The following GNG2 variants were observed in gnomAD, a reference collection of about 807,000 sequenced individuals.
The protein encoded by GNG2 is G protein subunit gamma 2.
GNG2 carries 5 observed loss-of-function variants against 5.5 expected under a neutral mutation model. That is an observed-to-expected ratio of 0.91 (90% CI 0.48 to 1.92). The LOEUF (loss-of-function observed/expected upper bound fraction) is 1.92, where lower values mean the gene tolerates loss of function less well. Among genes scored for constraint, GNG2 ranks in the 30% most tolerant of loss-of-function variants. The probability of loss-of-function intolerance (pLI) is 0.01; values close to 1 mark genes in which losing one functional copy is unlikely to be tolerated. For synonymous variants in GNG2, 28 were observed against 32.0 expected, an observed-to-expected ratio of 0.88 and a Z score of 0.42; for missense variants, 55 against 88.4, an observed-to-expected ratio of 0.62 and a Z score of 1.52.
intron 2 of GNG2, among the ~76,000 whole-genome samples, chr14:51,829,701 T>TCAC (rs1389350876): frequency 6.6e-6 from 1 of 152,156 alleles, no homozygotes; most frequent in East Asian, 1.9e-4. Context: ...TCCATTAAAC[T>TCAC]CACTCCTGTC....
intron 2 of GNG2, among the ~76,000 whole-genome samples, chr14:51,888,746 T>C (rs1361150657): frequency 6.6e-6 from 1 of 152,234 alleles, no homozygotes; most frequent in African/African-American, 2.4e-5. Context: ...TGTTTGTTAA[T>C]CCCTGGTTTA....
upstream of GNG2, among the ~76,000 whole-genome samples, chr14:51,859,597 A>G (rs73291070): frequency 0.016 from 2,423 of 152,318 alleles, 55 homozygotes; most frequent in African/African-American, 0.055. Flanking sequence ...GTAGAGCATG[A>G]CTATCATCAA....
chr14:51,863,832 C>T (rs962079312), intron 1 of GNG2, among the ~76,000 whole-genome samples: 6 of 152,170 alleles, frequency 3.9e-5, no homozygotes, highest in Admixed American at 3.3e-4. Context: ...TAAGATTCAT[C>T]AATGTTGTAG....
intron 3 of GNG2, among the ~76,000 whole-genome samples, chr14:51,956,313 G>T (rs1889269711): frequency 6.6e-6 from 1 of 152,184 alleles, no homozygotes; most frequent in Admixed American, 6.5e-5. Flanking sequence ...GACAGAACTT[G>T]TGAGTAACCT....
At chr14:51,942,585 C>CTTTCTTTCTTTCTTTCTTTCTTTCTT (rs1555356832) in intron 2 of GNG2, among the ~76,000 whole-genome samples, 1 of 61,608 alleles carries the variant, frequency 1.6e-5, no homozygotes, top group Non-Finnish European at 3.0e-5. Context: ...TTCTTTCTTT[C>CTTTCTTTCTTTCTTTCTTTCTTTCTT]TTTCTTTTTT....
chr14:51,955,568 A>T (rs1379815835), intron 3 of GNG2, among the ~76,000 whole-genome samples: 1 of 152,204 alleles, frequency 6.6e-6, no homozygotes, highest in Non-Finnish European at 1.5e-5. Context: ...TTTGTGTATT[A>T]AGAGTGTCAT....
At chr14:51,961,926 AG>A (rs1889638087) in intron 3 of GNG2, among the ~76,000 whole-genome samples, 1 of 152,220 alleles carries the variant, frequency 6.6e-6, no homozygotes. Flanking sequence ...AATTACAATG[AG>A]AAGTTATTGA....
intron 2 of GNG2, among the ~76,000 whole-genome samples, chr14:51,847,875 CTTTTTCTTTTT>C (rs1881699819): frequency 1.5e-5 from 1 of 66,148 alleles, no homozygotes; most frequent in Non-Finnish European, 3.2e-5. Flanking sequence ...AATACAGGTC[CTTTTTCTTTTT>C]TTTTTTTTTT....
chr14:51,915,876 T>A lies in GNG2; in HGVS notation c.-29-34774T>A, dbSNP rs548679016. On this transcript the variant is annotated intron_variant, in intron 2 of 3. Coordinates refer to ENST00000556766, the MANE Select transcript of GNG2 (RefSeq NM_053064.5). ...CAAAGACACACTGCAGAATGCTACATCCAGGTTTGTGGGTTCTCCTGAGAC... is the reference window on the plus strand; with the variant it reads ...CAAAGACACACTGCAGAATGCTACAACCAGGTTTGTGGGTTCTCCTGAGAC... Among the ~76,000 whole-genome samples the A allele has an allele frequency of 2.3e-3, 358 of 152,346 alleles. 2 individuals are homozygous for A. The highest frequency in any genetic ancestry group is 3.4e-3 in the Middle Eastern group (1 of 294).
At chr14:51,899,919 C>T (rs1885443197) in intron 2 of GNG2, among the ~76,000 whole-genome samples, 1 of 152,220 alleles carries the variant, frequency 6.6e-6, no homozygotes, top group Non-Finnish European at 1.5e-5. Context: ...CATCAATGGA[C>T]ACTTGGGTTG....
intron 3 of GNG2, among the ~76,000 whole-genome samples, chr14:51,965,562 G>T (rs1411625774): frequency 4.6e-5 from 7 of 152,148 alleles, no homozygotes; most frequent in African/African-American, 1.7e-4. Flanking sequence ...TGACAGCATC[G>T]CCAGAATCAG....
At chr14:51,851,060 A>G (rs1279548675) in intron 2 of GNG2, among the ~76,000 whole-genome samples, 1 of 152,240 alleles carries the variant, frequency 6.6e-6, no homozygotes, top group Non-Finnish European at 1.5e-5. Context: ...ATGTTATCCC[A>G]GTTAATTGAT....
chr14:51,885,845 A>T (rs1459570286), intron 2 of GNG2, among the ~76,000 whole-genome samples: 3 of 152,194 alleles, frequency 2.0e-5, no homozygotes, highest in East Asian at 1.9e-4. Context: ...CTCAGATAGG[A>T]TCAAGATCCA....
At chr14:51,935,089 A>G (rs1403783536) in intron 2 of GNG2, among the ~76,000 whole-genome samples, 2 of 146,772 alleles carry the variant, frequency 1.4e-5, no homozygotes, top group African/African-American at 5.1e-5. Context: ...CAGTGGCGCA[A>G]TCTCGGCTCA....
intron 2 of GNG2, among the ~76,000 whole-genome samples, chr14:51,840,573 A>T (rs1178914156): frequency 6.6e-6 from 1 of 152,148 alleles, no homozygotes; most frequent in African/African-American, 2.4e-5. Flanking sequence ...CTGCATCTTA[A>T]ATTTTGCTTC....
intron 1 of GNG2, among the ~76,000 whole-genome samples, chr14:51,865,817 T>C (rs1882838644): frequency 6.6e-6 from 1 of 152,206 alleles, no homozygotes; most frequent in Non-Finnish European, 1.5e-5. Flanking sequence ...AATAGAGATT[T>C]AAATTTTCAG....
At chr14:51,963,592 A>G (rs1360327051) in intron 3 of GNG2, among the ~76,000 whole-genome samples, 3 of 152,228 alleles carry the variant, frequency 2.0e-5, no homozygotes, top group Non-Finnish European at 2.9e-5. Flanking sequence ...TCATTTTGTC[A>G]TAGAAGCATT....
At chr14:51,934,133 A>G (rs1425768385) in intron 2 of GNG2, among the ~76,000 whole-genome samples, 3 of 152,172 alleles carry the variant, frequency 2.0e-5, no homozygotes, top group East Asian at 3.9e-4. Flanking sequence ...GAGTGGTTCC[A>G]TGATAGGCCA....
chr14:51,878,946 G>A lies in GNG2; in HGVS notation c.-30+1289G>A, dbSNP rs144549716. Among the ~76,000 whole-genome samples, 187 of 152,306 alleles carry A rather than the reference G, an allele frequency of 1.2e-3. 1 individual carries two copies. In the Middle Eastern group the frequency reaches 0.014, roughly 11 times the overall value. ...GCTTAAATTTTTCAAATCAATCCAA[G>A]CAGAGTTTGTCAATGGGGTTTGCTG... On this transcript the variant is annotated intron_variant, in intron 2 of 3. Coordinates refer to ENST00000556766, the MANE Select transcript of GNG2 (RefSeq NM_053064.5).
Sources: gnomAD v4.1 joint callset for allele counts (sites outside exome capture counted in the v4.1 genomes callset) on GRCh38, gnomAD v4.1.1 for gene constraint, MANE v1.5 for transcripts, NCBI Gene and HGNC (gene_info 2026-07-23, HGNC 2026-07-21) for gene names.